The following CD2AP variants were observed in gnomAD, a reference collection of about 807,000 sequenced individuals.
CD2AP encodes the protein CD2 associated protein, also known as CD2-associated protein.
In CD2AP, 46 loss-of-function variants were observed where a neutral mutation model predicts 85.1. The observed-to-expected ratio is 0.54, with a 90% CI of 0.43 to 0.69. The LOEUF (loss-of-function observed/expected upper bound fraction) is 0.69. Ranked by LOEUF, CD2AP falls within the 30% of genes least tolerant of loss-of-function variation. CD2AP has a pLI of 0.00. For synonymous variants in CD2AP, 255 were observed against 252.9 expected (o/e 1.01, Z -0.08); for missense variants, 769 against 729.5 (o/e 1.05, Z -0.62).
intron 4 of CD2AP, 112 bp downstream of exon 4, chr6:47,544,818 A>T (rs575101512): frequency 1.5e-4 from 107 of 691,262 alleles, no homozygotes; most frequent in South Asian, 3.5e-4. Flanking sequence ...GTCACTTTTT[A>T]AAAAAAATGG....
chr6:47,595,799 G>A (rs1768923714), intron 11 of CD2AP, 62 bp from the exon 12 acceptor site: 1 of 1,455,772 alleles, frequency 6.9e-7, no homozygotes, highest in African/African-American at 1.4e-5. Flanking sequence ...ACAAACTTTT[G>A]GAAATAGAAA....
chr6:47,576,123 G>A (rs574509354), intron 6 of CD2AP, among the ~76,000 whole-genome samples: 1 of 152,238 alleles, frequency 6.6e-6, no homozygotes, highest in East Asian at 1.9e-4. Context: ...CATCCAGGCT[G>A]GAATGCAGTG....
chr6:47,480,038 T>G (rs1765406195), intron 1 of CD2AP, among the ~76,000 whole-genome samples: 1 of 152,182 alleles, frequency 6.6e-6, no homozygotes. Flanking sequence ...CTATTTTGAT[T>G]GTCCAGAGGC....
intron 4 of CD2AP, among the ~76,000 whole-genome samples, chr6:47,548,330 A>G (rs924007048): frequency 6.6e-6 from 1 of 152,196 alleles, no homozygotes; most frequent in Admixed American, 6.5e-5. Context: ...AAAAGAAGAG[A>G]GAAAATCCAA....
At chr6:47,589,566 A>ACATATATATATATATT (rs397726688) in intron 11 of CD2AP, among the ~76,000 whole-genome samples, 1 of 34,582 alleles carries the variant, frequency 2.9e-5, no homozygotes, top group South Asian at 8.9e-4. Context: ...ACACACACAC[A>ACATATATATATATATT]TATATATATA....
chr6:47,615,245 T>TAA (rs1191712924), intron 17 of CD2AP, among the ~76,000 whole-genome samples: 1 of 152,240 alleles, frequency 6.6e-6, no homozygotes, highest in Non-Finnish European at 1.5e-5. Flanking sequence ...TTTTTGCACA[T>TAA]TATCTCATTA....
Position 47,515,151 on chromosome 6 carries a change from T to C in CD2AP, c.165+11711T>C, listed in dbSNP as rs115108864. On this transcript the variant is annotated intron_variant, in intron 2 of 17. Coordinates refer to ENST00000359314, the MANE Select transcript of CD2AP (RefSeq NM_012120.3). ...TCTGGCAAAGGTATTAGATAATTTA[T>C]GATAAAAAGATAATTAGGCAGACTA... Among the ~76,000 whole-genome samples, 546 of 152,246 alleles carry C rather than the reference T, an allele frequency of 3.6e-3. 2 individuals carry two copies. The highest frequency in any genetic ancestry group is 0.012 in the African/African-American group (517 of 41,538).
intron 11 of CD2AP, among the ~76,000 whole-genome samples, chr6:47,587,942 A>G (rs533165934): frequency 1.6e-3 from 249 of 152,210 alleles, no homozygotes; most frequent in Admixed American, 3.7e-3. Flanking sequence ...TCTGAATTCT[A>G]TTATTGTAGG....
rs190013957 is a variant in CD2AP, at chr6:47,532,302, C to T, written c.166-1300C>T. On this transcript the variant is annotated intron_variant, in intron 2 of 17. Transcript: ENST00000359314. ...AGGCTGCAGTGAGCCATGATCATGC[C>T]ACTGCACTCCAACCTGGGTAACAGA... Among the ~76,000 whole-genome samples, 4 of 149,862 alleles carry T rather than the reference C, an allele frequency of 2.7e-5. No individual in the cohort carries two copies. The East Asian group carries it at 7.8e-4, about 29-fold the overall frequency.
intron 17 of CD2AP, among the ~76,000 whole-genome samples, chr6:47,613,889 A>G (rs1211786902): frequency 6.6e-6 from 1 of 152,218 alleles, no homozygotes. Flanking sequence ...AACTTGCTGC[A>G]GCTTCTACAT....
At chr6:47,541,001 C>T (rs150143950) in intron 3 of CD2AP, among the ~76,000 whole-genome samples, 322 of 152,182 alleles carry the variant, frequency 2.1e-3, no homozygotes, top group African/African-American at 7.5e-3. Flanking sequence ...TCCTATAGCA[C>T]GCAAAAAACT....
chr6:47,559,434 AT>A (rs897252197), intron 5 of CD2AP, among the ~76,000 whole-genome samples: 1 of 149,966 alleles, frequency 6.7e-6, no homozygotes, highest in African/African-American at 2.4e-5. Context: ...AATTAAAAAC[AT>A]TTTTTTTTAA....
intron 11 of CD2AP, among the ~76,000 whole-genome samples, chr6:47,591,696 G>T (rs1768797036): frequency 6.6e-6 from 1 of 152,060 alleles, no homozygotes. Context: ...ATTACGTACA[G>T]TGTTGGTAAT....
In CD2AP at chr6:47,606,088, C is replaced by G. The variant is rs537797209; in HGVS notation, c.1418-77C>G. On this transcript the variant is annotated intron_variant, in intron 13 of 17. Transcript: ENST00000359314. ...TACTCTTTTTAATTTATAGTTTGTC[C>G]AAAAACTGAAACATTATTTTTTACC... 680 of 801,556 alleles carry G rather than the reference C, an allele frequency of 8.5e-4. 12 individuals are homozygous for G. In the South Asian group the frequency reaches 9.5e-3, roughly 11 times the overall value. The allele number at this position is 801,556 out of a possible 1,614,324, so 49.7% of individuals were successfully genotyped here.
intron 4 of CD2AP, among the ~76,000 whole-genome samples, chr6:47,549,460 C>CAAAAAAAAAAAAAAAAAA (rs67626138): frequency 9.0e-6 from 1 of 110,712 alleles, no homozygotes; most frequent in Non-Finnish European, 1.8e-5. Context: ...ACAATAGCTG[C>CAAAAAAAAAAAAAAAAAA]AAAAAAAAAA....
chr6:47,625,104 C>A lies in CD2AP; in HGVS notation c.*877C>A, dbSNP rs1037655176. 6.6e-6 allele frequency: 1 copy of A among 151,874 alleles called. No homozygotes were observed. The highest frequency in any genetic ancestry group is 6.6e-5 in the Admixed American group (1 of 15,262). 9.4% of individuals were successfully genotyped at this position (151,874 alleles called of 1,614,324 possible). A position where few individuals can be genotyped will look rare whatever the true frequency, so the allele number is the denominator to read the frequency against. On this transcript the variant is annotated 3_prime_UTR_variant, in exon 18 of 18. Coordinates refer to ENST00000359314, the MANE Select transcript of CD2AP (RefSeq NM_012120.3). The stretch of plus-strand genomic sequence containing the variant: ...AAAATATGTAAACACCAGCCTGTTG[C>A]TGTACTTTTCTGCTTATTTTACAGC...
intron 2 of CD2AP, among the ~76,000 whole-genome samples, chr6:47,511,210 G>A (rs539804048): frequency 1.3e-5 from 2 of 150,226 alleles, no homozygotes; most frequent in African/African-American, 4.9e-5. Context: ...GATAGGTTAT[G>A]TTGATACCAT....
chr6:47,529,497 T>A (rs970431312), intron 2 of CD2AP, among the ~76,000 whole-genome samples: 2 of 152,146 alleles, frequency 1.3e-5, no homozygotes, highest in Non-Finnish European at 2.9e-5. Context: ...CCTGGCACCC[T>A]GAATTGGTGG....
At chr6:47,524,913 C>T (rs1034836751) in intron 2 of CD2AP, among the ~76,000 whole-genome samples, 5 of 152,044 alleles carry the variant, frequency 3.3e-5, no homozygotes, top group Non-Finnish European at 4.4e-5. Flanking sequence ...TTAGACGATA[C>T]GTACTGATTT....
Sources: gnomAD v4.1 joint callset for allele counts (sites outside exome capture counted in the v4.1 genomes callset) on GRCh38, gnomAD v4.1.1 for gene constraint, MANE v1.5 for transcripts, NCBI Gene and HGNC (gene_info 2026-07-23, HGNC 2026-07-21) for gene names.